PRICKLE2: variants seen among roughly 807,000 people sequenced by gnomAD.
The protein encoded by PRICKLE2 is prickle planar cell polarity protein 2.
A neutral mutation model predicts 81.4 loss-of-function variants in PRICKLE2; 21 were observed. The observed-to-expected ratio is 0.26, with a 90% CI of 0.18 to 0.37. PRICKLE2 has a LOEUF of 0.37. PRICKLE2 is among the 10% of genes least tolerant of loss of function. PRICKLE2 has a pLI of 1.00. For missense variants in PRICKLE2, 940 were observed against 1,109.0 expected (o/e 0.85, Z 2.16); for synonymous variants, 456 against 421.5 (o/e 1.08, Z -1.00).
rs772691573 is a variant in PRICKLE2 at position 64,146,955 on chromosome 3, C to T, written c.1535G>A (p.Gly512Asp). 8.7e-6 allele frequency: 14 copies of T among 1,614,002 alleles called. No individual in the cohort carries two copies. The highest frequency in any genetic ancestry group is 2.7e-5 in the African/African-American group (2 of 74,902). ...GGTCCGACACTGCTGAGTGGACAAGCCCCCTTCCTCTTCCTCTTCCTCCTC... is the reference window on the plus strand; with the variant it reads ...GGTCCGACACTGCTGAGTGGACAAGTCCCCTTCCTCTTCCTCTTCCTCCTC... ...KYEEEEEEEGGLSTQQCRTRH... is the reference protein window; with the variant it reads ...KYEEEEEEEGDLSTQQCRTRH... Residue 512 changes from glycine (G) to aspartate (D), a missense_variant, in exon 7 of 8, where the codon GGC becomes GAC. Around this residue, in one of 2 missense-constraint regions of PRICKLE2, gnomAD observed 670 missense variants for 717.2 expected, o/e 0.93. Transcript: ENST00000638394.
intron 7 of PRICKLE2, among the ~76,000 whole-genome samples, chr3:64,137,793 C>T (rs2077300009): frequency 6.6e-6 from 1 of 152,112 alleles, no homozygotes. Flanking sequence ...GGCCCCTGGT[C>T]TGTGAGCTAG....
chr3:64,144,818 C>T (rs915336810), intron 7 of PRICKLE2, among the ~76,000 whole-genome samples: 5 of 152,164 alleles, frequency 3.3e-5, no homozygotes, highest in Non-Finnish European at 4.4e-5. Context: ...GGGTCTATAA[C>T]CTGATCAATA....
At chr3:64,221,802 G>A (rs1412789831) in intron 1 of PRICKLE2, among the ~76,000 whole-genome samples, 1 of 152,096 alleles carries the variant, frequency 6.6e-6, no homozygotes, top group African/African-American at 2.4e-5. Context: ...ACAGCCTGGG[G>A]GCTACTAAAT....
At chr3:64,212,299 T>C (rs2078801661) in intron 1 of PRICKLE2, among the ~76,000 whole-genome samples, 1 of 152,268 alleles carries the variant, frequency 6.6e-6, no homozygotes, top group African/African-American at 2.4e-5. Flanking sequence ...TTTGTCTACA[T>C]GCCACCTGTG....
At chr3:64,194,161 A>G (rs2107106114) in intron 2 of PRICKLE2, 1 of 152,372 alleles carries the variant, frequency 6.6e-6, no homozygotes, top group South Asian at 2.1e-4. Flanking sequence ...CCAGCTGGTC[A>G]TGCAGCTCCA....
At chr3:64,184,477 A>G (rs1256187824) in intron 2 of PRICKLE2, among the ~76,000 whole-genome samples, 1 of 151,958 alleles carries the variant, frequency 6.6e-6, no homozygotes, top group Non-Finnish European at 1.5e-5. Flanking sequence ...AGTTATTTTA[A>G]TTTTATTTTT....
chr3:64,223,173 T>G (rs918543132), intron 1 of PRICKLE2, among the ~76,000 whole-genome samples: 1 of 152,196 alleles, frequency 6.6e-6, no homozygotes, highest in African/African-American at 2.4e-5. Flanking sequence ...CAACAACACT[T>G]ATAATGATAA....
intron 2 of PRICKLE2, among the ~76,000 whole-genome samples, chr3:64,239,399 A>C (rs1316730519): frequency 2.0e-5 from 3 of 152,158 alleles, no homozygotes; most frequent in African/African-American, 7.2e-5. Context: ...AAGAAACACC[A>C]GGAATGAAAG....
At chr3:64,234,398 G>C (rs575674026) in intron 2 of PRICKLE2, among the ~76,000 whole-genome samples, 108 of 152,184 alleles carry the variant, frequency 7.1e-4, no homozygotes, top group African/African-American at 2.4e-3. Context: ...ATTTGCACTT[G>C]CTTAATGGCT....
At chr3:64,244,582 G>A (rs1335512926) in intron 2 of PRICKLE2, among the ~76,000 whole-genome samples, 1 of 149,954 alleles carries the variant, frequency 6.7e-6, no homozygotes, top group African/African-American at 2.5e-5. Flanking sequence ...GATAAACCTA[G>A]AGGAGAAAAA....
At chr3:64,115,222 A>T (rs1575553289) in intron 7 of PRICKLE2, among the ~76,000 whole-genome samples, 3 of 152,204 alleles carry the variant, frequency 2.0e-5, no homozygotes, top group Admixed American at 2.0e-4. Flanking sequence ...CAAAGGAAAG[A>T]CCATTACCAG....
rs115204625 is a variant in PRICKLE2 at position 64,178,010 on chromosome 3, T to C, written c.145-14881A>G. On this transcript the variant is annotated intron_variant, in intron 2 of 7. Transcript: ENST00000638394. The stretch of plus-strand genomic sequence containing the variant: ...TCCAAAGTGGCTGCACCATTTTACA[T>C]TGTCACCAGCAATGCACAGAAATTC... Among the ~76,000 whole-genome samples the C allele has an allele frequency of 5.5e-3, 836 of 152,330 alleles. 4 individuals carry two copies. The highest frequency in any genetic ancestry group is 0.019 in the African/African-American group (796 of 41,584).
rs549966146 is a variant in PRICKLE2, at chr3:64,146,816, T to C, written c.1660+14A>G. The C allele has an allele frequency of 1.1e-5, 17 of 1,613,616 alleles. No individual in the cohort carries two copies. Among genetic ancestry groups the C allele is most frequent in the African/African-American group, 6.7e-5 (5 of 74,918 alleles). ...ACCCCCTTTCTATCTGTTTTCAAGG[T>C]GAACAGAACCTACCTGTTGCATTAG... On this transcript the variant is annotated intron_variant, in intron 7 of 7. Transcript: ENST00000638394.
intron 1 of PRICKLE2, among the ~76,000 whole-genome samples, chr3:64,201,161 C>A (rs1003050575): frequency 3.3e-5 from 5 of 151,652 alleles, no homozygotes; most frequent in Non-Finnish European, 5.9e-5. Context: ...GATCTCCTGA[C>A]CTCGTGATCC....
chr3:64,191,686 C>A (rs1487304813), intron 2 of PRICKLE2, among the ~76,000 whole-genome samples: 4 of 152,178 alleles, frequency 2.6e-5, no homozygotes, highest in African/African-American at 9.7e-5. Flanking sequence ...AATTACTTTT[C>A]CATCATCATT....
intron 3 of PRICKLE2, among the ~76,000 whole-genome samples, chr3:64,160,423 A>C (rs1321039945): frequency 5.9e-5 from 9 of 152,202 alleles, no homozygotes; most frequent in African/African-American, 2.2e-4. Flanking sequence ...AAGAGCTGAG[A>C]AGTTCTCCTT....
intron 7 of PRICKLE2, among the ~76,000 whole-genome samples, chr3:64,142,103 G>A (rs1401114757): frequency 1.3e-5 from 2 of 152,112 alleles, no homozygotes; most frequent in Non-Finnish European, 2.9e-5. Context: ...GTGCAGAGTA[G>A]GATGTGAAAG....
At chr3:64,186,001 T>A (rs936489938) in intron 2 of PRICKLE2, among the ~76,000 whole-genome samples, 2 of 152,200 alleles carry the variant, frequency 1.3e-5, no homozygotes, top group African/African-American at 4.8e-5. Flanking sequence ...TTGCATTTTC[T>A]AGAGTTTTAT....
intron 2 of PRICKLE2, among the ~76,000 whole-genome samples, chr3:64,197,243 T>C (rs190221331): frequency 6.6e-6 from 1 of 152,198 alleles, no homozygotes; most frequent in African/African-American, 2.4e-5. Context: ...GTCTTTACAA[T>C]AGAATGATTT....
Sources: gnomAD v4.1 joint callset for allele counts (sites outside exome capture counted in the v4.1 genomes callset) on GRCh38, gnomAD v4.1.1 for gene constraint, gnomAD v4.1.1 regional missense constraint, MANE v1.5 for transcripts, NCBI Gene and HGNC (gene_info 2026-07-23, HGNC 2026-07-21) for gene names.